Variants in HSD17B11 observed in about 807,000 individuals in gnomAD.
The protein encoded by HSD17B11 is hydroxysteroid 17-beta dehydrogenase 11.
HSD17B11 carries 22 observed loss-of-function variants against 27.8 expected under a neutral mutation model. The observed-to-expected ratio is 0.79, with a 90% CI of 0.56 to 1.13. HSD17B11 has a LOEUF of 1.13. Among genes scored for constraint, HSD17B11 ranks in the 50% most tolerant of loss-of-function variants. The pLI is 0.00. For missense variants in HSD17B11, 314 were observed against 351.1 expected (o/e 0.89, Z 0.84); for synonymous variants, 117 against 132.8 (o/e 0.88, Z 0.82).
intron 5 of HSD17B11, among the ~76,000 whole-genome samples, chr4:87,341,337 A>AT (rs1454003316): frequency 6.6e-6 from 1 of 151,854 alleles, no homozygotes; most frequent in South Asian, 2.1e-4. Flanking sequence ...ACTCCAGGCT[A>AT]TTTTTTGTAT....
chr4:87,357,459 T>C, intron 4 of HSD17B11, 43 bp from the exon 5 acceptor site: 2 of 1,577,920 alleles, frequency 1.3e-6, no homozygotes, highest in Non-Finnish European at 1.7e-6. Flanking sequence ...AATTCTGAAA[T>C]GTCTGCCTGT....
chr4:87,359,158 T>C (rs891443189), intron 4 of HSD17B11, among the ~76,000 whole-genome samples: 1 of 152,196 alleles, frequency 6.6e-6, no homozygotes, highest in South Asian at 2.1e-4. Context: ...TGTGAGTCAA[T>C]TGAACCTCTT....
At chr4:87,368,216 C>G (rs1735643770) in intron 4 of HSD17B11, among the ~76,000 whole-genome samples, 2 of 152,134 alleles carry the variant, frequency 1.3e-5, no homozygotes, top group Non-Finnish European at 2.9e-5. Flanking sequence ...ACTCAGGAGG[C>G]TGAGGCAGGA....
In HSD17B11 at chr4:87,340,031, C is replaced by T. The variant is rs534342844; in HGVS notation, c.812+459G>A. On this transcript the variant is annotated intron_variant, in intron 6 of 6. Coordinates refer to ENST00000358290, the MANE Select transcript of HSD17B11 (RefSeq NM_016245.5). ...AGTCCAAGAACCACATTGGAAGAAG[C>T]AAGACTCAAGGATTTCTAAAATTAT... is the stretch of plus-strand genomic sequence containing the variant. Among the ~76,000 whole-genome samples, 136 of 152,152 alleles carry T rather than the reference C, an allele frequency of 8.9e-4. 2 individuals are homozygous for T. The South Asian group carries it at 0.027, about 30-fold the overall frequency.
intron 2 of HSD17B11, among the ~76,000 whole-genome samples, chr4:87,377,417 T>C (rs1030741328): frequency 6.6e-6 from 1 of 151,230 alleles, no homozygotes; most frequent in Admixed American, 6.6e-5. Context: ...GCCACTGTGC[T>C]CTAGCCTGAG....
chr4:87,380,482 A>G lies in HSD17B11; in HGVS notation c.318+1773T>C, dbSNP rs1198641913. On this transcript the variant is annotated intron_variant, in intron 2 of 6. Coordinates refer to ENST00000358290, the MANE Select transcript of HSD17B11 (RefSeq NM_016245.5). ...AGCAAGACTGTCTCAAAAAAAAAAA[A>G]AAAAAAGAAAAAAGAAAAGAAAAGA... 9.4e-5 allele frequency among the ~76,000 whole-genome samples: 13 copies of G among 138,780 alleles called. No homozygotes were observed. In the South Asian group the frequency reaches 2.2e-3, roughly 24 times the overall value. The allele number at this position is 138,780 out of a possible 152,430, so 91.0% of individuals were successfully genotyped here.
intron 4 of HSD17B11, among the ~76,000 whole-genome samples, chr4:87,361,251 C>G (rs1284051693): frequency 6.6e-6 from 1 of 152,182 alleles, no homozygotes; most frequent in Non-Finnish European, 1.5e-5. Flanking sequence ...AAAGTGACCT[C>G]TGGTCGTCCT....
intron 4 of HSD17B11, among the ~76,000 whole-genome samples, chr4:87,361,516 C>G (rs1282406163): frequency 6.6e-6 from 1 of 152,170 alleles, no homozygotes; most frequent in Non-Finnish European, 1.5e-5. Context: ...GCCTGTAATC[C>G]TGGCACTCTG....
At chr4:87,384,088 G>T (rs554412605) in intron 1 of HSD17B11, among the ~76,000 whole-genome samples, 13 of 152,252 alleles carry the variant, frequency 8.5e-5, no homozygotes, top group Admixed American at 4.6e-4. Context: ...GATAATAAAG[G>T]GAAACAAGTT....
chr4:87,344,340 A>G (rs58442901), intron 5 of HSD17B11, among the ~76,000 whole-genome samples: 1,545 of 152,354 alleles, frequency 0.01, 25 homozygotes, highest in African/African-American at 0.035. Flanking sequence ...CTGCCCCCAA[A>G]ATGATCAGAA....
At chr4:87,343,736 C>T (rs1032486217) in intron 5 of HSD17B11, among the ~76,000 whole-genome samples, 2 of 151,912 alleles carry the variant, frequency 1.3e-5, no homozygotes, top group Admixed American at 6.6e-5. Flanking sequence ...TTAGTAGAGA[C>T]GGGGTTTCAC....
Position 87,370,042 on chromosome 4 carries a change from A to T in HSD17B11, c.557+2667T>A, listed in dbSNP as rs149189747. On this transcript the variant is annotated intron_variant, in intron 4 of 6. Coordinates refer to ENST00000358290, the MANE Select transcript of HSD17B11 (RefSeq NM_016245.5). ...TGAACTAAAACTCTGAAAAGAAATTAAAATTTTTTTCCTAAGATAGGCTAC... is the reference window on the plus strand; with the variant it reads ...TGAACTAAAACTCTGAAAAGAAATTTAAATTTTTTTCCTAAGATAGGCTAC... Among the ~76,000 whole-genome samples, 682 of 152,316 alleles carry T rather than the reference A, an allele frequency of 4.5e-3. 9 individuals carry two copies. Among genetic ancestry groups the T allele is most frequent in the African/African-American group, 0.016 (662 of 41,566 alleles).
At chr4:87,368,568 C>G (rs1218443021) in intron 4 of HSD17B11, among the ~76,000 whole-genome samples, 7 of 152,184 alleles carry the variant, frequency 4.6e-5, no homozygotes, top group Admixed American at 1.3e-4. Flanking sequence ...AACAGAACAA[C>G]TCCATCTTGA....
At chr4:87,372,482 G>T (rs1362668456) in intron 4 of HSD17B11, among the ~76,000 whole-genome samples, 1 of 152,036 alleles carries the variant, frequency 6.6e-6, no homozygotes, top group Non-Finnish European at 1.5e-5. Flanking sequence ...TACATTTCCG[G>T]CTGCTACCTC....
intron 4 of HSD17B11, among the ~76,000 whole-genome samples, chr4:87,364,675 G>A (rs1342043140): frequency 6.6e-6 from 1 of 152,150 alleles, no homozygotes; most frequent in Non-Finnish European, 1.5e-5. Flanking sequence ...ATGCACAGTC[G>A]GTAAAAGCAC....
intron 4 of HSD17B11, among the ~76,000 whole-genome samples, chr4:87,369,036 T>C (rs1735659938): frequency 6.6e-6 from 1 of 152,216 alleles, no homozygotes; most frequent in South Asian, 2.1e-4. Context: ...CCTGAATTCT[T>C]TCTTGCACGA....
intron 4 of HSD17B11, among the ~76,000 whole-genome samples, chr4:87,363,742 C>A (rs542176909): frequency 1.2e-4 from 19 of 152,220 alleles, no homozygotes; most frequent in Non-Finnish European, 2.4e-4. Context: ...GAAATAGACA[C>A]TGCCCAGACC....
At chr4:87,358,613 A>G (rs554201180) in intron 4 of HSD17B11, among the ~76,000 whole-genome samples, 1 of 152,278 alleles carries the variant, frequency 6.6e-6, no homozygotes, top group East Asian at 1.9e-4. Context: ...TATAATATAT[A>G]TCATGTAAAA....
rs566009056 is a variant in HSD17B11 at position 87,370,238 on chromosome 4, G to A, written c.557+2471C>T. Among the ~76,000 whole-genome samples the A allele has an allele frequency of 7.2e-5, 11 of 152,232 alleles. No individual in the cohort carries two copies. In the South Asian group the frequency reaches 1.5e-3, roughly 20 times the overall value. On this transcript the variant is annotated intron_variant, in intron 4 of 6. Transcript: ENST00000358290. ...TCCACTGGGGCAAAGCATTCTGGAA[G>A]CTAAAATTAGAGGTGGGAACTCCCT...
Sources: allele counts gnomAD v4.1 joint callset (sites outside exome capture counted in the v4.1 genomes callset), GRCh38; gene constraint gnomAD v4.1.1; transcripts MANE v1.5; gene names NCBI Gene and HGNC (gene_info 2026-07-23, HGNC 2026-07-21).